The following CCSER1 variants were observed in gnomAD, a reference collection of about 807,000 sequenced individuals.
CCSER1 encodes the protein serine-rich coiled-coil domain-containing protein 1.
CCSER1 carries 41 observed loss-of-function variants against 82.0 expected under a neutral mutation model. The observed-to-expected ratio is 0.50, with a 90% CI of 0.39 to 0.65. CCSER1 has a LOEUF of 0.65. Ranked by LOEUF, CCSER1 falls within the 30% of genes least tolerant of loss-of-function variation. The pLI is 0.00. For synonymous variants in CCSER1, 414 were observed against 383.9 expected (o/e 1.08, Z -0.92); for missense variants, 1,119 against 1,064.2 (o/e 1.05, Z -0.72).
At chr4:90,349,204 A>G (rs1044384073) in intron 3 of CCSER1, among the ~76,000 whole-genome samples, 5 of 152,172 alleles carry the variant, frequency 3.3e-5, no homozygotes, top group Admixed American at 6.5e-5. Context: ...TCACTTATTT[A>G]GTAGGCATGA....
chr4:90,736,829 A>T, intron 7 of CCSER1, among the ~76,000 whole-genome samples: 1 of 151,252 alleles, frequency 6.6e-6, no homozygotes, highest in East Asian at 1.9e-4. Context: ...GTATGTTCTG[A>T]TTTCTTGCTT....
chr4:91,050,769 G>T (rs927591061), intron 9 of CCSER1, among the ~76,000 whole-genome samples: 1 of 152,158 alleles, frequency 6.6e-6, no homozygotes, highest in African/African-American at 2.4e-5. Context: ...ACTGTATCTT[G>T]TGATTTATCT....
chr4:91,513,678 G>A (rs1243610134), intron 10 of CCSER1, among the ~76,000 whole-genome samples: 1 of 152,002 alleles, frequency 6.6e-6, no homozygotes, highest in Non-Finnish European at 1.5e-5. Context: ...ATTTCTTTCT[G>A]ATTCAATTTT....
chr4:90,216,504 T>C (rs1741058433), intron 1 of CCSER1, among the ~76,000 whole-genome samples: 1 of 152,216 alleles, frequency 6.6e-6, no homozygotes, highest in Non-Finnish European at 1.5e-5. Context: ...ATTAAAGATG[T>C]GCACATTACA....
intron 7 of CCSER1, among the ~76,000 whole-genome samples, chr4:90,750,248 T>C (rs1283162056): frequency 1.3e-5 from 2 of 152,148 alleles, no homozygotes; most frequent in Non-Finnish European, 1.5e-5. Flanking sequence ...GGGTTGCCTG[T>C]TCGCTCTGAT....
At chr4:91,234,803 C>T (rs950675921) in intron 10 of CCSER1, among the ~76,000 whole-genome samples, 18 of 152,008 alleles carry the variant, frequency 1.2e-4, no homozygotes, top group African/African-American at 3.4e-4. Context: ...TACATGTTCC[C>T]ATTTCTTTGA....
At chr4:90,262,191 C>G (rs1015629375) in intron 1 of CCSER1, among the ~76,000 whole-genome samples, 5 of 151,982 alleles carry the variant, frequency 3.3e-5, no homozygotes, top group African/African-American at 1.2e-4. Flanking sequence ...TTACAAATCC[C>G]TGTCTTAGGT....
At chr4:90,135,676 A>G in intron 1 of CCSER1, among the ~76,000 whole-genome samples, 1 of 152,232 alleles carries the variant, frequency 6.6e-6, no homozygotes, top group East Asian at 1.9e-4. Flanking sequence ...GTACCAGTTT[A>G]GGACCATCGC....
In CCSER1 at chr4:90,444,812, C is replaced by T. The variant is rs577145757; in HGVS notation, c.1604-23422C>T. ...CCTTTATTAAAAGGGTGAAAAATTA[C>T]GGGCAACTATAATTTCTCAACCAAC... On this transcript the variant is annotated intron_variant, in intron 4 of 10. Transcript: ENST00000509176. 1.2e-4 allele frequency among the ~76,000 whole-genome samples: 18 copies of T among 151,954 alleles called. No individual in the cohort carries two copies. In the East Asian group the frequency reaches 2.5e-3, roughly 21 times the overall value.
chr4:91,304,139 A>G (rs1048185168), intron 10 of CCSER1, among the ~76,000 whole-genome samples: 14 of 152,010 alleles, frequency 9.2e-5, no homozygotes, highest in South Asian at 6.2e-4. Flanking sequence ...TAAATTGCAT[A>G]TTTCAAAATC....
chr4:91,423,633 C>T (rs1025869741), intron 10 of CCSER1, among the ~76,000 whole-genome samples: 3 of 152,088 alleles, frequency 2.0e-5, no homozygotes, highest in African/African-American at 7.2e-5. Flanking sequence ...ACAAATAAGA[C>T]ACTTAGCCTC....
At chr4:91,132,000 T>A (rs1451188836) in intron 10 of CCSER1, among the ~76,000 whole-genome samples, 3 of 151,850 alleles carry the variant, frequency 2.0e-5, no homozygotes, top group Non-Finnish European at 4.4e-5. Flanking sequence ...GTTTTAAAGA[T>A]TAGAAAAGAT....
intron 10 of CCSER1, among the ~76,000 whole-genome samples, chr4:91,411,491 CATATATATATATATATATAT>C (rs770013398): frequency 2.8e-4 from 15 of 53,790 alleles, no homozygotes; most frequent in Middle Eastern, 0.01. Flanking sequence ...TGCATATATA[CATATATATATATATATATAT>C]ATATATATAT....
chr4:91,102,738 A>T (rs369418805), intron 10 of CCSER1, among the ~76,000 whole-genome samples: 2 of 152,190 alleles, frequency 1.3e-5, no homozygotes, highest in African/African-American at 4.8e-5. Context: ...CTGATCATGT[A>T]ATTATTTCTT....
intron 10 of CCSER1, among the ~76,000 whole-genome samples, chr4:91,265,172 C>T (rs1741479331): frequency 1.3e-5 from 2 of 151,870 alleles, no homozygotes; most frequent in South Asian, 2.1e-4. Context: ...TGTCCCTTAC[C>T]AAATACTAAA....
chr4:90,134,439 A>G (rs896768393), intron 1 of CCSER1, among the ~76,000 whole-genome samples: 17 of 152,096 alleles, frequency 1.1e-4, no homozygotes, highest in Admixed American at 1.1e-3. Flanking sequence ...TCTTATTGCT[A>G]TTTTCAGTGG....
intron 3 of CCSER1, among the ~76,000 whole-genome samples, chr4:90,360,063 G>A (rs1394262639): frequency 6.7e-6 from 1 of 148,554 alleles, no homozygotes; most frequent in African/African-American, 2.4e-5. Context: ...GGTTACAGGT[G>A]CCCGCCATCA....
intron 9 of CCSER1, among the ~76,000 whole-genome samples, chr4:91,054,239 C>A (rs1304273330): frequency 6.6e-6 from 1 of 152,162 alleles, no homozygotes; most frequent in Non-Finnish European, 1.5e-5. Flanking sequence ...GGTGAGGGAG[C>A]ACCCTAGACC....
At chr4:90,875,397 G>A (rs1173789015) in intron 8 of CCSER1, among the ~76,000 whole-genome samples, 2 of 152,072 alleles carry the variant, frequency 1.3e-5, no homozygotes, top group Non-Finnish European at 2.9e-5. Flanking sequence ...AACAATAGGG[G>A]ATAAAACAAA....
Sources: allele counts gnomAD v4.1 joint callset (sites outside exome capture counted in the v4.1 genomes callset), GRCh38; gene constraint gnomAD v4.1.1; transcripts MANE v1.5; gene names NCBI Gene and HGNC (gene_info 2026-07-23, HGNC 2026-07-21).